The following RAB8A variants were observed in gnomAD, a reference collection of about 807,000 sequenced individuals.
RAB8A encodes the protein ras-related protein Rab-8A.
In RAB8A, 5 loss-of-function variants were observed where a neutral mutation model predicts 29.2. The observed-to-expected ratio is 0.17, with a 90% CI of 0.09 to 0.36. The LOEUF (loss-of-function observed/expected upper bound fraction) is 0.36. Ranked by LOEUF, RAB8A falls within the 10% of genes least tolerant of loss-of-function variation. The pLI is 1.00. For missense variants in RAB8A, 171 were observed against 272.2 expected (o/e 0.63, Z 2.62); for synonymous variants, 108 against 99.9 (o/e 1.08, Z -0.49).
intron 2 of RAB8A, among the ~76,000 whole-genome samples, chr19:16,119,062 C>T (rs967171031): frequency 1.3e-5 from 2 of 152,148 alleles, no homozygotes; most frequent in African/African-American, 4.8e-5. Flanking sequence ...CAGGCAAGTG[C>T]CTTTGAGTGG....
At position 16,122,400 on chromosome 19, in the gene RAB8A, G is replaced by A. The variant is rs571308055; in HGVS notation, c.246+590G>A. Among the ~76,000 whole-genome samples, 1 of 152,192 alleles carries A rather than the reference G, an allele frequency of 6.6e-6. No individual in the cohort carries two copies. The highest frequency in any genetic ancestry group is 1.5e-5 in the Non-Finnish European group (1 of 68,038). On this transcript the variant is annotated intron_variant, in intron 3 of 7. Coordinates refer to ENST00000300935, the MANE Select transcript of RAB8A (RefSeq NM_005370.5). The surrounding 1 kb of genome is among the most constrained non-coding windows in gnomAD (Gnocchi z 4.7). The stretch of plus-strand genomic sequence containing the variant: ...CTGTGTGTACATGGCAGGGCATTCA[G>A]GGGTAGAGGGAGCAGGAGGTGGAGC...
intron 3 of RAB8A, chr19:16,124,999 C>CG: frequency 3.4e-5 from 7 of 205,468 alleles, no homozygotes; most frequent in South Asian, 8.3e-5. Flanking sequence ...CGGGTCAGGA[C>CG]TTCCTGGGCT....
rs1261909791 is a variant in RAB8A at position 16,132,067 on chromosome 19, G to GGTTTGGTT, written c.532-135_532-128dup. On this transcript the variant is annotated intron_variant, in intron 7 of 7. Transcript: ENST00000300935. This position sits in a 1 kb window ranked among gnomAD's most constrained non-coding sequence, Gnocchi z 5.6. The stretch of plus-strand genomic sequence containing the variant: ...GTTGGTTGGTTTGGCTGGTTTGATT[G>GGTTTGGTT]GTTTGGTTGTTTGGTTGGTTGGTTG... The GGTTTGGTT allele has an allele frequency of 5.7e-4, 381 of 670,470 alleles. 5 individuals carry two copies. The Admixed American group carries it at 6.9e-3, about 12-fold the overall frequency. The allele number at this position is 670,470 out of a possible 1,614,324, so 41.5% of individuals were successfully genotyped here.
chr19:16,128,107 T>C lies in RAB8A; in HGVS notation c.480+16T>C, dbSNP rs755851711. On this transcript the variant is annotated intron_variant, in intron 6 of 7. Coordinates refer to ENST00000300935, the MANE Select transcript of RAB8A (RefSeq NM_005370.5). ...TGTGGAAAATGTGAGTCCCGGGCCC[T>C]GCTGGGAGACATGGGGCCTGCAGGA... is the stretch of plus-strand genomic sequence containing the variant. 3.1e-6 allele frequency: 5 copies of C among 1,609,814 alleles called. No homozygotes were observed. The highest frequency in any genetic ancestry group is 4.3e-6 in the Non-Finnish European group (5 of 1,176,166).
intron 1 of RAB8A, among the ~76,000 whole-genome samples, chr19:16,113,367 C>T (rs1445500002): frequency 6.6e-6 from 1 of 152,114 alleles, no homozygotes; most frequent in African/African-American, 2.4e-5. Context: ...TAATTCCATT[C>T]TTGCCCTCCT....
intron 2 of RAB8A, among the ~76,000 whole-genome samples, chr19:16,118,932 G>A (rs1363057910): frequency 6.6e-6 from 1 of 152,228 alleles, no homozygotes; most frequent in Non-Finnish European, 1.5e-5. Context: ...CTGAGTTCAG[G>A]TGGCGGGTAT....
chr19:16,124,972 G>A, intron 3 of RAB8A: 1 of 204,792 alleles, frequency 4.9e-6, no homozygotes, highest in Non-Finnish European at 1.0e-5. Context: ...TGGGGTCACT[G>A]GAAGTTGTGT....
At chr19:16,129,695 G>A (rs2090917060) in intron 7 of RAB8A, 91 bp downstream of exon 7, 1 of 1,263,170 alleles carries the variant, frequency 7.9e-7, no homozygotes, top group Admixed American at 1.7e-5. Context: ...CCTAGATCCT[G>A]CTTTTTAGGG....
At chr19:16,113,854 C>T (rs1328502029) in intron 1 of RAB8A, among the ~76,000 whole-genome samples, 2 of 152,148 alleles carry the variant, frequency 1.3e-5, no homozygotes, top group East Asian at 3.9e-4. Context: ...ACACTGTCTG[C>T]CCAGCCTAGT....
chr19:16,117,257 G>A (rs1430204262), intron 1 of RAB8A, among the ~76,000 whole-genome samples: 2 of 152,164 alleles, frequency 1.3e-5, no homozygotes, highest in East Asian at 3.8e-4. Flanking sequence ...GGGAGGCTGA[G>A]GCAGGCAGAT....
At chr19:16,131,955 G>A (rs2090926585) in intron 7 of RAB8A, among the ~76,000 whole-genome samples, 1 of 151,762 alleles carries the variant, frequency 6.6e-6, no homozygotes, top group African/African-American at 2.4e-5. Flanking sequence ...ATGGTTTGAT[G>A]GCTGATTGGT....
At chr19:16,128,885 G>A (rs116362883) in intron 6 of RAB8A, among the ~76,000 whole-genome samples, 2,269 of 152,282 alleles carry the variant, frequency 0.015, 54 homozygotes, top group African/African-American at 0.052. Context: ...CGCACCCCAA[G>A]CCACTCTCCT....
Position 16,132,406 on chromosome 19 carries a change from C to A in RAB8A, c.*102C>A. The A allele has an allele frequency of 8.6e-7, 1 of 1,167,622 alleles. No homozygotes were observed. The highest frequency in any genetic ancestry group is 1.2e-6 in the Non-Finnish European group (1 of 820,492). The allele number at this position is 1,167,622 out of a possible 1,614,324, so 72.3% of individuals were successfully genotyped here. ...GGCCCTCCCACCTCCAACGCCCCGCCCACGCCGCGGCCACCGGGCCCACGG... is the reference window on the plus strand; with the variant it reads ...GGCCCTCCCACCTCCAACGCCCCGCACACGCCGCGGCCACCGGGCCCACGG... On this transcript the variant is annotated 3_prime_UTR_variant, in exon 8 of 8. Coordinates refer to ENST00000300935, the MANE Select transcript of RAB8A (RefSeq NM_005370.5). This position sits in a 1 kb window ranked among gnomAD's most constrained non-coding sequence, Gnocchi z 5.6.
intron 3 of RAB8A, chr19:16,124,049 C>T (rs972945007): frequency 6.6e-6 from 1 of 152,144 alleles, no homozygotes; most frequent in African/African-American, 2.4e-5. Context: ...GCACATGTCA[C>T]CAACTTAGTG....
chr19:16,124,991 G>GTGGTCGCCGTATCATTAAAAAAT, intron 3 of RAB8A: 2 of 210,410 alleles, frequency 9.5e-6, no homozygotes, highest in Non-Finnish European at 9.9e-6. Flanking sequence ...GTGGATGTCG[G>GTGGTCGCCGTATCATTAAAAAAT]GTCAGGACTT....
chr19:16,130,190 G>T (rs2241401), intron 7 of RAB8A, among the ~76,000 whole-genome samples: 4 of 150,846 alleles, frequency 2.7e-5, no homozygotes, highest in Non-Finnish European at 5.9e-5. Flanking sequence ...TTCCTAGTCC[G>T]CTGCGCTCAG....
chr19:16,121,635 A>G lies in RAB8A; in HGVS notation c.186-115A>G, dbSNP rs563815140. The G allele has an allele frequency of 5.6e-5, 49 of 879,396 alleles. No individual in the cohort carries two copies. In the African/African-American group the frequency reaches 6.1e-4, roughly 11 times the overall value. The allele number at this position is 879,396 out of a possible 1,614,324, so 54.5% of individuals were successfully genotyped here. A position where few individuals can be genotyped will look rare whatever the true frequency, so the allele number is the denominator to read the frequency against. ...AGGTGCTGCCTTAGCAGAAGAAGGT[A>G]TCACAGTGGCTGAACGGTGAGAAAG... On this transcript the variant is annotated intron_variant, in intron 2 of 7. Coordinates refer to ENST00000300935, the MANE Select transcript of RAB8A (RefSeq NM_005370.5).
chr19:16,122,799 C>T lies in RAB8A; in HGVS notation c.246+989C>T, dbSNP rs541646001. 3.3e-4 allele frequency among the ~76,000 whole-genome samples: 51 copies of T among 152,296 alleles called. No homozygotes were observed. Among genetic ancestry groups the T allele is most frequent in the African/African-American group, 1.2e-3 (49 of 41,554 alleles). ...CCTCATGGCAACCCACTCGTGTGGG[C>T]TGCAGCCTTAGTGTGCCTCAGTAAA... On this transcript the variant is annotated intron_variant, in intron 3 of 7. Transcript: ENST00000300935. The surrounding 1 kb of genome is among the most constrained non-coding windows in gnomAD (Gnocchi z 4.7).
In RAB8A at chr19:16,132,692, C is replaced by G. The variant is rs1410994215; in HGVS notation, c.*388C>G. On this transcript the variant is annotated 3_prime_UTR_variant, in exon 8 of 8. Transcript: ENST00000300935. This position sits in a 1 kb window ranked among gnomAD's most constrained non-coding sequence, Gnocchi z 5.6. ...TCCACCAGGAGGCTGGTTCACGTCCCCTACCACGGAAGCGAGGTCCCAGAA... is the reference window on the plus strand; with the variant it reads ...TCCACCAGGAGGCTGGTTCACGTCCGCTACCACGGAAGCGAGGTCCCAGAA... 1 of 186,468 alleles carries G rather than the reference C, an allele frequency of 5.4e-6. No homozygotes were observed. Among genetic ancestry groups the G allele is most frequent in the Non-Finnish European group, 1.1e-5 (1 of 88,162 alleles). The allele number at this position is 186,468 out of a possible 1,614,324, so 11.6% of individuals were successfully genotyped here.
Sources: gnomAD v4.1 joint callset for allele counts (sites outside exome capture counted in the v4.1 genomes callset) on GRCh38, gnomAD v4.1.1 for gene constraint, Gnocchi (gnomAD v3.1) non-coding constraint, MANE v1.5 for transcripts, NCBI Gene and HGNC (gene_info 2026-07-23, HGNC 2026-07-21) for gene names.